Variants in ARHGEF3 observed in about 807,000 individuals in gnomAD.
The protein encoded by ARHGEF3 is Rho guanine nucleotide exchange factor 3.
ARHGEF3 carries 28 observed loss-of-function variants against 63.2 expected under a neutral mutation model. That is an observed-to-expected ratio of 0.44 (90% confidence interval 0.33 to 0.61). The LOEUF (loss-of-function observed/expected upper bound fraction) is 0.61, where lower values mean the gene tolerates loss of function less well. Among genes scored for constraint, ARHGEF3 ranks in the 20% least tolerant of loss-of-function variants. ARHGEF3 has a pLI of 0.03. For missense variants in ARHGEF3, 533 were observed against 659.3 expected (o/e 0.81, Z 2.10); for synonymous variants, 266 against 254.2 (o/e 1.05, Z -0.44).
chr3:56,984,563 C>T (rs1701460678), intron 2 of ARHGEF3, among the ~76,000 whole-genome samples: 1 of 144,302 alleles, frequency 6.9e-6, no homozygotes, highest in African/African-American at 2.4e-5. Flanking sequence ...CATAAATAAA[C>T]TCACAGGTTT....
At chr3:57,055,567 A>G (rs1189074890) in intron 1 of ARHGEF3, among the ~76,000 whole-genome samples, 1 of 152,206 alleles carries the variant, frequency 6.6e-6, no homozygotes, top group Non-Finnish European at 1.5e-5. Flanking sequence ...TGCCTTGCAC[A>G]TTTAGGTTCT....
intron 1 of ARHGEF3, among the ~76,000 whole-genome samples, chr3:56,794,149 C>CAG (rs914379755): frequency 3.3e-5 from 5 of 151,866 alleles, no homozygotes; most frequent in Admixed American, 6.6e-5. Context: ...GGGAGAGGTG[C>CAG]AGAGAGAGAG....
intron 1 of ARHGEF3, among the ~76,000 whole-genome samples, chr3:57,048,844 C>T (rs544519017): frequency 1.3e-5 from 2 of 152,320 alleles, no homozygotes; most frequent in East Asian, 3.9e-4. Context: ...CCAGAAACCC[C>T]ACCTGGTGAC....
chr3:57,069,162 C>T (rs1474895679), intron 1 of ARHGEF3, among the ~76,000 whole-genome samples: 1 of 152,116 alleles, frequency 6.6e-6, no homozygotes, highest in East Asian at 1.9e-4. Context: ...ACCTCGTGAT[C>T]CACTTGCCTC....
intron 3 of ARHGEF3, chr3:56,916,593 T>C (rs1464949741): frequency 2.9e-5 from 27 of 928,408 alleles, no homozygotes; most frequent in Non-Finnish European, 3.9e-5. Context: ...CATTCAAAGG[T>C]ACACCAGAAG....
chr3:57,067,898 G>A lies in ARHGEF3; in HGVS notation c.-28+11328C>T, dbSNP rs181677512. Reference sequence around the variant, plus strand: ...CCAGCTACTCAGAAGGCTGAGGTAGGAGAATGGCGTGAACCTGGGAGGCAG... The same window carrying A: ...CCAGCTACTCAGAAGGCTGAGGTAGAAGAATGGCGTGAACCTGGGAGGCAG... On this transcript the variant is annotated intron_variant, in intron 1 of 12. Transcript: ENST00000338458. 4.6e-5 allele frequency among the ~76,000 whole-genome samples: 7 copies of A among 152,084 alleles called. No homozygotes were observed. The East Asian group carries it at 1.4e-3, about 29-fold the overall frequency.
At chr3:56,763,164 C>G (rs2035516302) in intron 2 of ARHGEF3, among the ~76,000 whole-genome samples, 1 of 152,164 alleles carries the variant, frequency 6.6e-6, no homozygotes, top group African/African-American at 2.4e-5. Flanking sequence ...GTTTCCTCAT[C>G]TCTAAAAGGT....
At chr3:57,023,406 C>A (rs1248709419) in intron 2 of ARHGEF3, among the ~76,000 whole-genome samples, 1 of 152,216 alleles carries the variant, frequency 6.6e-6, no homozygotes, top group Non-Finnish European at 1.5e-5. Flanking sequence ...GGCTACAATA[C>A]CCCCAGCTGG....
chr3:56,755,127 T>C lies in ARHGEF3; in HGVS notation c.229A>G (p.Ser77Gly). The C allele has an allele frequency of 6.2e-7, 1 of 1,613,716 alleles. No homozygotes were observed. Among genetic ancestry groups the C allele is most frequent in the Non-Finnish European group, 8.5e-7 (1 of 1,180,010 alleles). ...LQRSISFRSESRPDILAPRPW... is the reference protein window; with the variant it reads ...LQRSISFRSEGRPDILAPRPW... ...CGGGGGGCGAGGATGTCAGGGCGGC[T>C]CTCACTGCGGAAGCTAATGGAGCGC... The change falls in exon 3 of 10, where the codon AGC becomes GGC. Residue 77 changes from serine to glycine, a missense_variant. Physicochemically the swap from Ser to Gly is moderately conservative, Grantham distance 56. Transcript: ENST00000296315.
chr3:56,764,761 T>A (rs1220335286), intron 2 of ARHGEF3, among the ~76,000 whole-genome samples: 1 of 151,642 alleles, frequency 6.6e-6, no homozygotes, highest in African/African-American at 2.4e-5. Context: ...AACAAATTTT[T>A]TTTTTTTTTT....
chr3:56,910,635 A>T (rs535008406), intron 3 of ARHGEF3, among the ~76,000 whole-genome samples: 31 of 152,356 alleles, frequency 2.0e-4, no homozygotes, highest in Non-Finnish European at 3.8e-4. Flanking sequence ...CAAAAAACCC[A>T]AACCTAAAAA....
At chr3:56,789,198 T>G (rs1373759860) in intron 1 of ARHGEF3, among the ~76,000 whole-genome samples, 1 of 152,154 alleles carries the variant, frequency 6.6e-6, no homozygotes, top group Non-Finnish European at 1.5e-5. Context: ...AAGTCCAAGA[T>G]CTCTCAGCTC....
intron 2 of ARHGEF3, among the ~76,000 whole-genome samples, chr3:56,997,543 T>A (rs374985077): frequency 3.9e-5 from 6 of 152,174 alleles, no homozygotes; most frequent in African/African-American, 1.2e-4. Context: ...TGGGCAAAAG[T>A]GGGGTCTGGC....
At chr3:56,785,728 G>A (rs1296151062) in intron 1 of ARHGEF3, among the ~76,000 whole-genome samples, 1 of 152,218 alleles carries the variant, frequency 6.6e-6, no homozygotes, top group Non-Finnish European at 1.5e-5. Context: ...AGGACAGACT[G>A]TTCCAGCTGA....
At chr3:56,893,808 T>C (rs2041203194) in intron 3 of ARHGEF3, among the ~76,000 whole-genome samples, 1 of 56,448 alleles carries the variant, frequency 1.8e-5, no homozygotes, top group African/African-American at 8.1e-5. Context: ...CAAGACTCTG[T>C]CTCAAAAAAA....
chr3:56,769,907 G>C (rs1194970088), intron 2 of ARHGEF3, among the ~76,000 whole-genome samples: 2 of 152,172 alleles, frequency 1.3e-5, no homozygotes, highest in African/African-American at 2.4e-5. Flanking sequence ...GTCATTTTTG[G>C]AATAGAAAAG....
At chr3:56,906,318 A>G (rs1354584782) in intron 3 of ARHGEF3, among the ~76,000 whole-genome samples, 1 of 152,232 alleles carries the variant, frequency 6.6e-6, no homozygotes, top group East Asian at 1.9e-4. Context: ...CGGAGCAGAT[A>G]GAAAACATTT....
At chr3:56,790,174 G>A (rs147962760) in intron 1 of ARHGEF3, among the ~76,000 whole-genome samples, 292 of 152,252 alleles carry the variant, frequency 1.9e-3, no homozygotes, top group African/African-American at 6.6e-3. Flanking sequence ...AGAGACTTCC[G>A]AAGCAAGCTC....
intron 1 of ARHGEF3, among the ~76,000 whole-genome samples, chr3:56,786,359 G>GT (rs1196942893): frequency 1.3e-5 from 2 of 152,182 alleles, no homozygotes; most frequent in African/African-American, 4.8e-5. Flanking sequence ...AAACTGTGAG[G>GT]TAAGTAATCT....
Sources: gnomAD v4.1 joint callset for allele counts (sites outside exome capture counted in the v4.1 genomes callset) on GRCh38, gnomAD v4.1.1 for gene constraint, MANE v1.5 for transcripts, NCBI Gene and HGNC (gene_info 2026-07-23, HGNC 2026-07-21) for gene names.